Variants in SLC24A2 observed in about 807,000 individuals in gnomAD.
The protein encoded by SLC24A2 is solute carrier family 24 member 2.
A neutral mutation model predicts 62.0 loss-of-function variants in SLC24A2; 36 were observed. The ratio of observed to expected loss-of-function variants is 0.58; its 90% CI spans 0.44 to 0.77. The LOEUF (loss-of-function observed/expected upper bound fraction) is 0.77, where lower values mean the gene tolerates loss of function less well. Among genes scored for constraint, SLC24A2 ranks in the 30% least tolerant of loss-of-function variants. The pLI, the probability that SLC24A2 is intolerant of heterozygous loss-of-function variation, is 0.00. For synonymous variants in SLC24A2, 358 were observed against 294.0 expected (o/e 1.22, Z -2.23); for missense variants, 846 against 817.9 (o/e 1.03, Z -0.42).
the SLC24A2 span, among the ~76,000 whole-genome samples, chr9:20,126,873 C>G: frequency 7.4e-4 from 112 of 152,178 alleles, 3 homozygotes; most frequent in East Asian, 0.011. Flanking sequence ...TTGCCTCTGT[C>G]TATAGGGTAT....
rs199990362 is a variant in SLC24A2, at chr9:19,516,290, C to G, written c.1849G>C (p.Val617Leu). ...IVLLFIMLLF[V>L]ILSIALCKWR... is the part of the protein sequence containing the mutation. The stretch of plus-strand genomic sequence containing the variant: ...TTGCAGAGGGCGATAGAGAGGATGA[C>G]GAAGAGCAGCATGATGAAGAGAAGG... Residue 617 changes from valine to leucine, a missense_variant, in exon 11 of 11, where the codon GTC (valine) becomes CTC (leucine). Transcript: ENST00000341998. 6.8e-6 allele frequency: 11 copies of G among 1,613,962 alleles called. No homozygotes were observed. In the Admixed American group the frequency reaches 8.3e-5, roughly 12 times the overall value.
At chr9:20,190,824 T>A in the SLC24A2 span, among the ~76,000 whole-genome samples, 8 of 152,348 alleles carry the variant, frequency 5.3e-5, no homozygotes, top group Non-Finnish European at 1.0e-4. Flanking sequence ...CTGAGTGTTT[T>A]CATCTTTAAA....
the SLC24A2 span, among the ~76,000 whole-genome samples, chr9:20,222,355 A>C: frequency 6.6e-6 from 1 of 152,002 alleles, no homozygotes; most frequent in Admixed American, 6.6e-5. Context: ...AATACAGCAG[A>C]AAACAATCAA....
chr9:19,835,205 G>T, the SLC24A2 span, among the ~76,000 whole-genome samples: 3 of 152,158 alleles, frequency 2.0e-5, no homozygotes, highest in African/African-American at 7.2e-5. Flanking sequence ...ATAATGACAG[G>T]ATCAAATTCA....
chr9:20,167,235 A>G, the SLC24A2 span, among the ~76,000 whole-genome samples: 1 of 152,130 alleles, frequency 6.6e-6, no homozygotes, highest in African/African-American at 2.4e-5. Context: ...AGGGGAAAAA[A>G]GAATGGCAAG....
the SLC24A2 span, among the ~76,000 whole-genome samples, chr9:20,083,567 G>A: frequency 1.1e-4 from 16 of 152,314 alleles, no homozygotes; most frequent in African/African-American, 3.6e-4. Flanking sequence ...CATTAGCAGC[G>A]AATTGCCATT....
chr9:19,969,561 T>C, the SLC24A2 span, among the ~76,000 whole-genome samples: 1 of 152,198 alleles, frequency 6.6e-6, no homozygotes, highest in East Asian at 1.9e-4. Flanking sequence ...CACAGTAAGT[T>C]CCACCTTCTA....
intron 2 of SLC24A2, among the ~76,000 whole-genome samples, chr9:19,649,573 C>G (rs1476110422): frequency 6.6e-6 from 1 of 152,140 alleles, no homozygotes; most frequent in Admixed American, 6.6e-5. Context: ...CTAGTATACA[C>G]TGACATTTGG....
the SLC24A2 span, among the ~76,000 whole-genome samples, chr9:19,858,782 A>T: frequency 6.6e-6 from 1 of 152,196 alleles, no homozygotes; most frequent in Non-Finnish European, 1.5e-5. Context: ...GTGAAATGCA[A>T]ATCAAAACCA....
the SLC24A2 span, among the ~76,000 whole-genome samples, chr9:20,002,372 T>G: frequency 6.6e-6 from 1 of 151,974 alleles, no homozygotes; most frequent in Non-Finnish European, 1.5e-5. Flanking sequence ...AACCTTTTTT[T>G]TTTTTTTTTT....
chr9:20,305,200 C>T, the SLC24A2 span, among the ~76,000 whole-genome samples: 1 of 151,184 alleles, frequency 6.6e-6, no homozygotes, highest in African/African-American at 2.4e-5. Flanking sequence ...CTCTGCCTCG[C>T]AGGTTCAAGT....
the SLC24A2 span, among the ~76,000 whole-genome samples, chr9:19,998,388 C>T: frequency 2.6e-5 from 4 of 152,140 alleles, no homozygotes; most frequent in African/African-American, 4.8e-5. Flanking sequence ...GATTCACTTC[C>T]GGGTCACCTC....
chr9:20,129,288 A>G, the SLC24A2 span, among the ~76,000 whole-genome samples: 1 of 152,258 alleles, frequency 6.6e-6, no homozygotes, highest in South Asian at 2.1e-4. Flanking sequence ...AAAACACAGA[A>G]AAGTGAGTTG....
the SLC24A2 span, among the ~76,000 whole-genome samples, chr9:20,276,025 G>A: frequency 6.6e-6 from 1 of 152,116 alleles, no homozygotes; most frequent in Non-Finnish European, 1.5e-5. Context: ...TAAGATTTGG[G>A]TGAGGACACA....
At chr9:19,954,658 C>T in the SLC24A2 span, among the ~76,000 whole-genome samples, 2 of 152,058 alleles carry the variant, frequency 1.3e-5, no homozygotes, top group South Asian at 4.1e-4. Context: ...AAACATTTCC[C>T]TCAAGATTGC....
the SLC24A2 span, among the ~76,000 whole-genome samples, chr9:20,282,730 T>C: frequency 6.6e-6 from 1 of 152,226 alleles, no homozygotes; most frequent in Non-Finnish European, 1.5e-5. Context: ...CAGTATCACT[T>C]ATAATATCCT....
chr9:19,664,538 G>A (rs1362093207), intron 2 of SLC24A2, among the ~76,000 whole-genome samples: 1 of 152,194 alleles, frequency 6.6e-6, no homozygotes, highest in Non-Finnish European at 1.5e-5. Flanking sequence ...TGGTGAAGCA[G>A]GTTGAATTGT....
In SLC24A2 at chr9:19,513,335, T is replaced by A. The variant is rs968460519; in HGVS notation, c.*2818A>T. On this transcript the variant is annotated 3_prime_UTR_variant, in exon 11 of 11. Coordinates refer to ENST00000341998, the MANE Select transcript of SLC24A2 (RefSeq NM_020344.4). ...GACCCATTGTTGAACTCTGTACACA[T>A]CTCTCTGAATTTACCCTGGCTCAAC... The A allele has an allele frequency of 6.6e-6, 1 of 151,906 alleles. No individual in the cohort carries two copies. The highest frequency in any genetic ancestry group is 1.9e-4 in the East Asian group (1 of 5,184). 9.4% of individuals were successfully genotyped at this position (151,906 alleles called of 1,614,324 possible).
At chr9:19,849,402 C>T in the SLC24A2 span, among the ~76,000 whole-genome samples, 2 of 152,144 alleles carry the variant, frequency 1.3e-5, no homozygotes, top group African/African-American at 2.4e-5. Context: ...TTCTGAGACA[C>T]TATTGTTCAA....
Sources: gnomAD v4.1 joint callset for allele counts (sites outside exome capture counted in the v4.1 genomes callset) on GRCh38, gnomAD v4.1.1 for gene constraint, MANE v1.5 for transcripts, NCBI Gene and HGNC (gene_info 2026-07-23, HGNC 2026-07-21) for gene names.